RBFOX1: variants seen among roughly 807,000 people sequenced by gnomAD.
RBFOX1 encodes RNA binding fox-1 homolog 1.
In RBFOX1, 8 loss-of-function variants were observed where a neutral mutation model predicts 57.7. The ratio of observed to expected loss-of-function variants is 0.14; its 90% CI spans 0.08 to 0.25. RBFOX1 has a LOEUF of 0.25. Ranked by LOEUF, RBFOX1 falls within the 10% of genes least tolerant of loss-of-function variation. The pLI is 1.00. For missense variants in RBFOX1, 611 were observed against 548.5 expected (o/e 1.11, Z -1.14); for synonymous variants, 326 against 222.4 (o/e 1.47, Z -4.15).
chr16:6,460,100 C>T (rs1264321707), intron 2 of RBFOX1, among the ~76,000 whole-genome samples: 1 of 146,414 alleles, frequency 6.8e-6, no homozygotes, highest in African/African-American at 2.5e-5. Context: ...TTGGGGCTGC[C>T]ATAATACAGC....
intron 14 of RBFOX1, among the ~76,000 whole-genome samples, chr16:7,680,123 C>T (rs896794975): frequency 5.3e-5 from 8 of 152,078 alleles, no homozygotes; most frequent in African/African-American, 1.9e-4. Flanking sequence ...GTCTGTGATA[C>T]GTTCTGGATT....
chr16:6,456,671 G>A (rs4299162), intron 2 of RBFOX1, among the ~76,000 whole-genome samples: 57 of 152,284 alleles, frequency 3.7e-4, no homozygotes, highest in African/African-American at 1.2e-3. Flanking sequence ...TCAGTTAGAG[G>A]GCGGTTGCAG....
rs890488816 is a variant in RBFOX1, at chr16:6,960,942, A to G, written c.-15-91115A>G. On this transcript the variant is annotated intron_variant, in intron 3 of 15. Coordinates refer to ENST00000550418, the MANE Select transcript of RBFOX1 (RefSeq NM_018723.4). ...TGAGGTCAGGAGACCAGCCTGGCCA[A>G]CGTGATGAAACTCCATCTCTACTGA... Among the ~76,000 whole-genome samples, 4 of 147,990 alleles carry G rather than the reference A, an allele frequency of 2.7e-5. No individual in the cohort carries two copies. In the East Asian group the frequency reaches 8.0e-4, roughly 30 times the overall value.
At chr16:6,814,840 C>G (rs569090881) in intron 3 of RBFOX1, among the ~76,000 whole-genome samples, 4 of 152,086 alleles carry the variant, frequency 2.6e-5, no homozygotes, top group African/African-American at 7.2e-5. Context: ...GGAAAGGGGT[C>G]CTGATCCAGA....
intron 1 of RBFOX1, among the ~76,000 whole-genome samples, chr16:6,130,635 C>T (rs546382998): frequency 5.3e-5 from 8 of 151,966 alleles, no homozygotes; most frequent in Admixed American, 3.3e-4. Flanking sequence ...ACAAGAGACT[C>T]GTCTTAAATA....
chr16:6,597,458 G>T (rs910098853), intron 2 of RBFOX1, among the ~76,000 whole-genome samples: 1 of 152,156 alleles, frequency 6.6e-6, no homozygotes, highest in Non-Finnish European at 1.5e-5. Flanking sequence ...CGGATCACAA[G>T]GTCAGGAGTT....
rs574093072 is a variant in RBFOX1, at chr16:7,519,354, G to C, written c.270+965G>C. On this transcript the variant is annotated intron_variant, in intron 5 of 15. Transcript: ENST00000550418. ...CAGGGGCTAGAAAGAGGCAGGGTGA[G>C]AGAATTTTGATGAATAAGGGAACTG... 2.3e-4 allele frequency among the ~76,000 whole-genome samples: 35 copies of C among 152,262 alleles called. No homozygotes were observed. The South Asian group carries it at 7.3e-3, about 32-fold the overall frequency.
At chr16:7,254,535 T>C (rs970358690) in intron 4 of RBFOX1, among the ~76,000 whole-genome samples, 1 of 152,066 alleles carries the variant, frequency 6.6e-6, no homozygotes, top group East Asian at 1.9e-4. Flanking sequence ...TTAGGTGTTA[T>C]TTTATTATTT....
intron 3 of RBFOX1, among the ~76,000 whole-genome samples, chr16:6,999,825 AT>A (rs1207130102): frequency 6.6e-6 from 1 of 152,158 alleles, no homozygotes; most frequent in Non-Finnish European, 1.5e-5. Flanking sequence ...TAATCCCAGT[AT>A]TTTGGGAGGC....
intron 4 of RBFOX1, among the ~76,000 whole-genome samples, chr16:7,132,226 C>G (rs1232881702): frequency 6.6e-6 from 1 of 152,064 alleles, no homozygotes; most frequent in Non-Finnish European, 1.5e-5. Flanking sequence ...ACTGATCTGC[C>G]TGTCTCGGCC....
At chr16:6,687,321 C>G (rs2059581005) in intron 3 of RBFOX1, among the ~76,000 whole-genome samples, 1 of 152,132 alleles carries the variant, frequency 6.6e-6, no homozygotes, top group Non-Finnish European at 1.5e-5. Flanking sequence ...GGGTAATAAA[C>G]TGCATATTAG....
chr16:6,961,772 C>A (rs568541142), intron 3 of RBFOX1, among the ~76,000 whole-genome samples: 5 of 152,240 alleles, frequency 3.3e-5, no homozygotes, highest in African/African-American at 1.2e-4. Context: ...TGTCATGGCA[C>A]TAGTGAGAGT....
At chr16:5,986,625 G>C (rs911056752) in intron 4 of RBFOX1, among the ~76,000 whole-genome samples, 3 of 152,146 alleles carry the variant, frequency 2.0e-5, no homozygotes, top group South Asian at 2.1e-4. Flanking sequence ...TATATACATA[G>C]AATCACATAG....
intron 8 of RBFOX1, 30 bp downstream of exon 8, chr16:7,595,671 C>T: frequency 6.5e-7 from 1 of 1,542,008 alleles, no homozygotes; most frequent in Non-Finnish European, 8.8e-7. Flanking sequence ...TCCTTTTCAT[C>T]TTTTTTATAA....
chr16:6,958,676 C>T (rs567471642), intron 3 of RBFOX1, among the ~76,000 whole-genome samples: 1 of 152,134 alleles, frequency 6.6e-6, no homozygotes, highest in Non-Finnish European at 1.5e-5. Flanking sequence ...TATGGAATTT[C>T]TAATTGGGGT....
chr16:5,921,072 C>G (rs959979215), intron 4 of RBFOX1, among the ~76,000 whole-genome samples: 1 of 152,136 alleles, frequency 6.6e-6, no homozygotes, highest in Non-Finnish European at 1.5e-5. Context: ...CTAACTTAGC[C>G]CTTCCAAATT....
intron 2 of RBFOX1, among the ~76,000 whole-genome samples, chr16:6,534,200 A>G (rs1023484962): frequency 1.3e-5 from 2 of 152,202 alleles, no homozygotes; most frequent in Non-Finnish European, 2.9e-5. Flanking sequence ...TAGTCACTCA[A>G]TGAAATGCTA....
intron 2 of RBFOX1, among the ~76,000 whole-genome samples, chr16:6,358,751 C>A (rs2087852688): frequency 6.6e-6 from 1 of 152,172 alleles, no homozygotes. Context: ...TTTACAGAGT[C>A]CAGAGCTTGT....
chr16:6,447,806 C>G (rs1041559381), intron 2 of RBFOX1, among the ~76,000 whole-genome samples: 5 of 152,124 alleles, frequency 3.3e-5, no homozygotes, highest in African/African-American at 9.7e-5. Flanking sequence ...TCATCATTCC[C>G]AAAGAAGAGA....
Sources: gnomAD v4.1 joint callset for allele counts (sites outside exome capture counted in the v4.1 genomes callset) on GRCh38, gnomAD v4.1.1 for gene constraint, MANE v1.5 for transcripts, NCBI Gene and HGNC (gene_info 2026-07-23, HGNC 2026-07-21) for gene names.